SLC27A1: variants seen among roughly 807,000 people sequenced by gnomAD.
The protein encoded by SLC27A1 is long-chain fatty acid transport protein 1.
A neutral mutation model predicts 62.2 loss-of-function variants in SLC27A1; 61 were observed. The ratio of observed to expected loss-of-function variants is 0.98; its 90% CI spans 0.80 to 1.21. SLC27A1 has a LOEUF of 1.21. Among genes scored for constraint, SLC27A1 ranks in the 50% most tolerant of loss-of-function variants. The probability of loss-of-function intolerance (pLI) is 0.00; values close to 1 mark genes in which losing one functional copy is unlikely to be tolerated. For missense variants in SLC27A1, 903 were observed against 932.1 expected, an observed-to-expected ratio of 0.97 and a Z score of 0.41; for synonymous variants, 435 against 408.6, an observed-to-expected ratio of 1.06 and a Z score of -0.78.
chr19:17,487,042 G>T (rs1452319675), intron 2 of SLC27A1, 85 bp downstream of exon 2: 1 of 1,545,710 alleles, frequency 6.5e-7, no homozygotes, highest in Non-Finnish European at 8.7e-7. Flanking sequence ...CCAGGCCTCG[G>T]AAGGCGGCCG....
intron 1 of SLC27A1, among the ~76,000 whole-genome samples, chr19:17,482,933 T>A (rs2075193582): frequency 6.6e-6 from 1 of 152,112 alleles, no homozygotes; most frequent in African/African-American, 2.4e-5. Context: ...GATGCACAGA[T>A]GCACAGATCT....
At chr19:17,480,541 C>CTTTTTTTTTTTTTTT (rs3079223) in intron 1 of SLC27A1, among the ~76,000 whole-genome samples, 1 of 111,774 alleles carries the variant, frequency 8.9e-6, no homozygotes, top group Non-Finnish European at 1.7e-5. Flanking sequence ...TAATTTTTTT[C>CTTTTTTTTTTTTTTT]TTTTTTTTTT....
intron 1 of SLC27A1, among the ~76,000 whole-genome samples, chr19:17,483,056 AC>A (rs2075195651): frequency 6.6e-6 from 1 of 151,116 alleles, no homozygotes. Flanking sequence ...GAATGAGGGA[AC>A]GAGTGAAGGA....
At chr19:17,494,334 C>G (rs1332973808) in intron 6 of SLC27A1, among the ~76,000 whole-genome samples, 82 of 135,838 alleles carry the variant, frequency 6.0e-4, no homozygotes, top group Non-Finnish European at 4.1e-4. Context: ...TTTTCTTTTT[C>G]TTTTTCTTTT....
intron 2 of SLC27A1, 21 bp from the exon 3 acceptor site, chr19:17,487,153 C>G (rs914171379): frequency 1.2e-6 from 2 of 1,613,836 alleles, no homozygotes; most frequent in Non-Finnish European, 1.7e-6. Flanking sequence ...GTGACCATGA[C>G]CCATGTGTTG....
At position 17,470,608 on chromosome 19, in the gene SLC27A1, CGT is replaced by C; in HGVS notation, c.70_71del (p.Trp24AspfsTer153). 1 of 1,569,422 alleles carries C rather than the reference CGT, an allele frequency of 6.4e-7. No individual in the cohort carries two copies. Among genetic ancestry groups the C allele is most frequent in the Non-Finnish European group, 8.6e-7 (1 of 1,165,692 alleles). The stretch of plus-strand genomic sequence containing the variant: ...GCGCTGTTGTGGCTGCTGGGGCTGC[CGT>C]GGACCTGGAGCGCGGCAGCGGCGCT... On this transcript the variant is annotated frameshift_variant, in exon 1 of 12. Coordinates refer to ENST00000252595, the MANE Select transcript of SLC27A1 (RefSeq NM_198580.3). LOFTEE classifies it high-confidence loss of function.
chr19:17,498,460 G>T, intron 7 of SLC27A1: 1 of 157,104 alleles, frequency 6.4e-6, no homozygotes, highest in Non-Finnish European at 1.4e-5. Context: ...CTTGGTGTTG[G>T]ATGGCCAGCC....
rs546412779 is a variant in SLC27A1 at position 17,500,765 on chromosome 19, G to T, written c.1525G>T (p.Gly509Trp). The change falls in exon 10 of 12, where the codon GGG becomes TGG. Residue 509 changes from glycine to tryptophan, a missense_variant. Transcript: ENST00000252595. ...LGYMYFRDRS[G>W]DTFRWRGENV... is the part of the protein sequence containing the mutation. ...CTACATGTACTTCCGGGACCGTAGC[G>T]GGGACACCTTCCGCTGGCGAGGGGA... The T allele has an allele frequency of 6.2e-7, 1 of 1,613,558 alleles. No individual in the cohort carries two copies. The highest frequency in any genetic ancestry group is 8.5e-7 in the Non-Finnish European group (1 of 1,179,896).
At chr19:17,488,701 G>C in intron 4 of SLC27A1, 147 bp from the exon 5 acceptor site, 1 of 668,576 alleles carries the variant, frequency 1.5e-6, no homozygotes. Context: ...ACAATTGTTG[G>C]TTGCGTGTTT....
chr19:17,472,924 A>G (rs1295884134), intron 1 of SLC27A1, among the ~76,000 whole-genome samples: 3 of 151,912 alleles, frequency 2.0e-5, no homozygotes, highest in African/African-American at 7.3e-5. Context: ...CCTCCTGACT[A>G]GCTGGGACTA....
chr19:17,504,465 G>T lies in SLC27A1; in HGVS notation c.1794G>T (p.Lys598Asn). 1 of 1,614,138 alleles carries T rather than the reference G, an allele frequency of 6.2e-7. No homozygotes were observed. Among genetic ancestry groups the T allele is most frequent in the Non-Finnish European group, 8.5e-7 (1 of 1,180,030 alleles). ...LPQVDTTGTF[K>N]IQKTRLQREG... Reference sequence around the variant, plus strand: ...CCATCCCCACTATAGGCACCTTCAAGATCCAGAAGACGAGGCTGCAGCGAG... The same window carrying T: ...CCATCCCCACTATAGGCACCTTCAATATCCAGAAGACGAGGCTGCAGCGAG... Residue 598 changes from lysine (K) to asparagine (N), a missense_variant, in exon 12 of 12, where the codon AAG becomes AAT. By Grantham distance (94) the Lys-to-Asn change is moderately conservative. Coordinates refer to ENST00000252595, the MANE Select transcript of SLC27A1 (RefSeq NM_198580.3).
At chr19:17,482,207 T>A (rs1450837345) in intron 1 of SLC27A1, among the ~76,000 whole-genome samples, 1 of 152,154 alleles carries the variant, frequency 6.6e-6, no homozygotes, top group African/African-American at 2.4e-5. Context: ...ATGAGTACAT[T>A]GCACGTGGCG....
At position 17,484,292 on chromosome 19, in the gene SLC27A1, A is replaced by C. The variant is rs549711607; in HGVS notation, c.168-2271A>C. On this transcript the variant is annotated intron_variant, in intron 1 of 11. Transcript: ENST00000252595. ...GAGGGAATGAAAGAGTGAAGGAGATAATAAATAAGGATGGAATGAGACCAG... is the reference window on the plus strand; with the variant it reads ...GAGGGAATGAAAGAGTGAAGGAGATCATAAATAAGGATGGAATGAGACCAG... Among the ~76,000 whole-genome samples, 34 of 148,510 alleles carry C rather than the reference A, an allele frequency of 2.3e-4. No homozygotes were observed. In the South Asian group the frequency reaches 7.0e-3, roughly 31 times the overall value.
In SLC27A1 at chr19:17,504,550, C is replaced by T; in HGVS notation, c.1879C>T (p.His627Tyr). ...CTTCTTCCTGGACCTGAAGCAGGGC[C>T]ACTACCTGCCCTTAAATGAGGCAGT... The part of the protein sequence containing the change: ...RLFFLDLKQG[H>Y]YLPLNEAVYT... Residue 627 changes from histidine to tyrosine, a missense_variant, in exon 12 of 12, where the codon CAC becomes TAC. His to Tyr is a moderately conservative substitution (Grantham distance 83). Transcript: ENST00000252595. 1 of 1,614,190 alleles carries T rather than the reference C, an allele frequency of 6.2e-7. No homozygotes were observed. The highest frequency in any genetic ancestry group is 8.5e-7 in the Non-Finnish European group (1 of 1,180,040).
chr19:17,490,434 A>G (rs58069868), intron 6 of SLC27A1, among the ~76,000 whole-genome samples: 125,895 of 152,046 alleles, frequency 0.83, 53,032 homozygotes, highest in Non-Finnish European at 0.89. Flanking sequence ...GATTACAGGC[A>G]TGAGCCACTG....
intron 1 of SLC27A1, among the ~76,000 whole-genome samples, chr19:17,482,910 C>A (rs2075193341): frequency 6.6e-6 from 1 of 152,072 alleles, no homozygotes; most frequent in African/African-American, 2.4e-5. Flanking sequence ...GCTAGAGATG[C>A]ACAGATGCTA....
At chr19:17,469,484 C>G (rs780726644), upstream of SLC27A1, among the ~76,000 whole-genome samples, 29 of 152,054 alleles carry the variant, frequency 1.9e-4, 1 homozygote, top group Non-Finnish European at 2.6e-4. Context: ...TCTTGCGAGC[C>G]ACGCCCCAAG....
intron 1 of SLC27A1, among the ~76,000 whole-genome samples, chr19:17,484,736 A>T (rs2075211910): frequency 6.6e-6 from 1 of 152,196 alleles, no homozygotes; most frequent in Non-Finnish European, 1.5e-5. Flanking sequence ...GAAAGAACGA[A>T]GAAGAGCATG....
intron 1 of SLC27A1, among the ~76,000 whole-genome samples, chr19:17,478,791 A>G (rs563787591): frequency 6.6e-6 from 1 of 152,052 alleles, no homozygotes; most frequent in East Asian, 2.0e-4. Context: ...CAGGAGGCAG[A>G]GGTTGCAGTG....
Sources: gnomAD v4.1 joint callset for allele counts (sites outside exome capture counted in the v4.1 genomes callset) on GRCh38, gnomAD v4.1.1 for gene constraint, MANE v1.5 for transcripts, NCBI Gene and HGNC (gene_info 2026-07-23, HGNC 2026-07-21) for gene names.